The following NCBP1 variants were observed in gnomAD, a reference collection of about 807,000 sequenced individuals.
NCBP1 encodes the protein nuclear cap-binding protein subunit 1.
Under a neutral mutation model 111.7 loss-of-function variants are expected in NCBP1, and 16 were observed. The observed-to-expected ratio is 0.14, with a 90% confidence interval of 0.10 to 0.22. NCBP1 has a LOEUF of 0.22. Among genes scored for constraint, NCBP1 ranks in the 10% least tolerant of loss-of-function variants. The probability of loss-of-function intolerance (pLI) is 1.00; values close to 1 mark genes in which losing one functional copy is unlikely to be tolerated. For missense variants in NCBP1, 607 were observed against 957.5 expected (o/e 0.63, Z 4.83); for synonymous variants, 304 against 314.3 (o/e 0.97, Z 0.35).
At chr9:97,636,591 A>G (rs1010052510) in intron 1 of NCBP1, among the ~76,000 whole-genome samples, 13 of 144,928 alleles carry the variant, frequency 9.0e-5, no homozygotes, top group South Asian at 4.2e-4. Flanking sequence ...TATTTTACAT[A>G]TAATTATATA....
rs187406865 is a variant in NCBP1 at position 97,666,673 on chromosome 9, C to T, written c.1902-90C>T. Reference sequence around the variant, plus strand: ...CCCCAAGGACAGAAGGCTGTATCAGCTGTTAAGAATGAAATTACAAAAGTT... The same window carrying T: ...CCCCAAGGACAGAAGGCTGTATCAGTTGTTAAGAATGAAATTACAAAAGTT... On this transcript the variant is annotated intron_variant, in intron 19 of 22. Coordinates refer to ENST00000375147, the MANE Select transcript of NCBP1 (RefSeq NM_002486.5). 23 of 784,492 alleles carry T rather than the reference C, an allele frequency of 2.9e-5. No individual in the cohort carries two copies. The Middle Eastern group carries it at 2.6e-3, about 90-fold the overall frequency. The allele number at this position is 784,492 out of a possible 1,614,324, so 48.6% of individuals were successfully genotyped here.
intron 22 of NCBP1, among the ~76,000 whole-genome samples, chr9:97,670,239 C>T (rs1486620152): frequency 6.6e-6 from 1 of 152,098 alleles, no homozygotes; most frequent in East Asian, 1.9e-4. Flanking sequence ...ATTTTCTATG[C>T]TGGGGATCCT....
intron 8 of NCBP1, among the ~76,000 whole-genome samples, chr9:97,648,676 T>G (rs1306370371): frequency 6.6e-6 from 1 of 152,220 alleles, no homozygotes; most frequent in East Asian, 1.9e-4. Flanking sequence ...GAACAGTGTC[T>G]GTCACATGAT....
chr9:97,635,703 T>G (rs1418315148), intron 1 of NCBP1: 2 of 151,938 alleles, frequency 1.3e-5, no homozygotes, highest in African/African-American at 4.8e-5. Context: ...ATTACAGATG[T>G]GAGCTACTGC....
In NCBP1 at chr9:97,636,637, C is replaced by CATATATATAT. The variant is rs377027165; in HGVS notation, c.34+2750_34+2759dup. Among the ~76,000 whole-genome samples the CATATATATAT allele has an allele frequency of 3.4e-3, 380 of 111,190 alleles. 1 individual carries two copies. Among genetic ancestry groups the CATATATATAT allele is most frequent in the Middle Eastern group, 0.017 (3 of 174 alleles). The allele number at this position is 111,190 out of a possible 152,430, so 72.9% of individuals were successfully genotyped here. A position where few individuals can be genotyped will look rare whatever the true frequency, so the allele number is the denominator to read the frequency against. On this transcript the variant is annotated intron_variant, in intron 1 of 22. Transcript: ENST00000375147. ...AGAAGCAAGCATATGGAAAGTAATA[C>CATATATATAT]ATATATATATATATATATATATATA... is the stretch of plus-strand genomic sequence containing the variant.
chr9:97,662,328 A>T (rs1827863042), intron 17 of NCBP1, among the ~76,000 whole-genome samples, 184 bp downstream of exon 17: 1 of 152,212 alleles, frequency 6.6e-6, no homozygotes, highest in African/African-American at 2.4e-5. Flanking sequence ...GTCTGTTTGT[A>T]CAGTTGGCAT....
At chr9:97,637,795 T>C (rs1439086827) in intron 1 of NCBP1, among the ~76,000 whole-genome samples, 1 of 152,206 alleles carries the variant, frequency 6.6e-6, no homozygotes, top group Non-Finnish European at 1.5e-5. Flanking sequence ...TTGGTTTTTG[T>C]TTTCCATTTT....
chr9:97,645,683 A>G lies in NCBP1; in HGVS notation c.562A>G (p.Lys188Glu). 2 of 1,614,124 alleles carry G rather than the reference A, an allele frequency of 1.2e-6. No homozygotes were observed. The highest frequency in any genetic ancestry group is 1.7e-6 in the Non-Finnish European group (2 of 1,179,972). ...PWVGKELYEK[K>E]DAEMDRIFAN... ...GGTTGGAAAGGAGTTGTACGAAAAGAAAGATGCAGAGATGGACCGCATCTT... is the reference window on the plus strand; with the variant it reads ...GGTTGGAAAGGAGTTGTACGAAAAGGAAGATGCAGAGATGGACCGCATCTT... The change falls in exon 6 of 23, where the codon AAA becomes GAA. Residue 188 changes from lysine to glutamate, a missense_variant. By Grantham distance (56) the Lys-to-Glu change is moderately conservative. Around this residue, in one of 9 missense-constraint regions of NCBP1, gnomAD observed 185 missense variants for 272.0 expected, o/e 0.68. Coordinates refer to ENST00000375147, the MANE Select transcript of NCBP1 (RefSeq NM_002486.5).
At chr9:97,635,926 GA>G (rs1827010837) in intron 1 of NCBP1, 1 of 152,248 alleles carries the variant, frequency 6.6e-6, no homozygotes, top group East Asian at 1.9e-4. Flanking sequence ...CTAATATGTA[GA>G]AAAATAACTT....
At chr9:97,650,646 T>A (rs911102464) in intron 9 of NCBP1, 46 bp downstream of exon 9, 4 of 1,535,590 alleles carry the variant, frequency 2.6e-6, no homozygotes, top group Non-Finnish European at 3.6e-6. Context: ...GAAGCAGCAA[T>A]TTTGATAATT....
At chr9:97,662,620 C>G (rs892559700) in intron 17 of NCBP1, among the ~76,000 whole-genome samples, 4 of 152,222 alleles carry the variant, frequency 2.6e-5, no homozygotes, top group African/African-American at 9.6e-5. Context: ...CCATCTCTGT[C>G]TCCAAGGCTT....
rs1333717527 is a variant in NCBP1 at position 97,673,387 on chromosome 9, T to C, written c.*2188T>C. 6.6e-6 allele frequency: 1 copy of C among 152,236 alleles called. No homozygotes were observed. Among genetic ancestry groups the C allele is most frequent in the African/African-American group, 2.4e-5 (1 of 41,456 alleles). The allele number at this position is 152,236 out of a possible 1,614,324, so 9.4% of individuals were successfully genotyped here. ...GTAACTTTGACTCAAAACTGCTTTGTAATCTTTTCACAATGTACTGAAAAG... is the reference window on the plus strand; with the variant it reads ...GTAACTTTGACTCAAAACTGCTTTGCAATCTTTTCACAATGTACTGAAAAG... On this transcript the variant is annotated 3_prime_UTR_variant, in exon 23 of 23. Transcript: ENST00000375147.
At chr9:97,636,669 TATATAA>T (rs962542354) in intron 1 of NCBP1, among the ~76,000 whole-genome samples, 2 of 120,480 alleles carry the variant, frequency 1.7e-5, no homozygotes, top group South Asian at 2.4e-4. Flanking sequence ...TATATATATA[TATATAA>T]AATCATTTAT....
At chr9:97,647,879 C>A in intron 7 of NCBP1, 129 bp from the exon 8 acceptor site, 1 of 831,044 alleles carries the variant, frequency 1.2e-6, no homozygotes. Context: ...AAAAACTTAG[C>A]ACCTTTTTTT....
intron 2 of NCBP1, 65 bp from the exon 3 acceptor site, chr9:97,641,497 G>A: frequency 8.1e-7 from 1 of 1,233,344 alleles, no homozygotes; most frequent in Non-Finnish European, 1.1e-6. Flanking sequence ...CATTTAAATA[G>A]ATTTTTAAAA....
At chr9:97,641,479 T>C (rs1294016340) in intron 2 of NCBP1, 83 bp from the exon 3 acceptor site, 1 of 1,036,200 alleles carries the variant, frequency 9.7e-7, no homozygotes, top group African/African-American at 1.7e-5. Context: ...AAAATATGTA[T>C]ATATTTACAT....
rs1827298296 is a variant in NCBP1 at position 97,645,143 on chromosome 9, T to C, written c.408T>C (p.Asn136=). The change falls in exon 5 of 23, where the codon AAT becomes AAC. Residue 136 remains asparagine, a synonymous_variant. Transcript: ENST00000375147. ...YLVRFLSDLV[N]CHVIAAPSMV... ...TCCGTTTTTTATCTGATCTTGTGAA[T>C]TGTCATGTGATTGCCGCCCCATCAA... The C allele has an allele frequency of 6.2e-7, 1 of 1,613,348 alleles. No individual in the cohort carries two copies. Among genetic ancestry groups the C allele is most frequent in the Non-Finnish European group, 8.5e-7 (1 of 1,179,544 alleles).
At chr9:97,636,394 A>G (rs1564015565) in intron 1 of NCBP1, among the ~76,000 whole-genome samples, 1 of 150,428 alleles carries the variant, frequency 6.6e-6, no homozygotes, top group African/African-American at 2.4e-5. Flanking sequence ...GCTGTCAGTC[A>G]CTGCCCTGAC....
At chr9:97,660,863 A>T (rs1041907458) in intron 15 of NCBP1, 83 bp from the exon 16 acceptor site, 70 of 1,465,668 alleles carry the variant, frequency 4.8e-5, no homozygotes, top group Middle Eastern at 1.8e-4. Flanking sequence ...TTTAAAAAAA[A>T]TTTTTCTCAG....
Sources: allele counts gnomAD v4.1 joint callset (sites outside exome capture counted in the v4.1 genomes callset), GRCh38; gene constraint gnomAD v4.1.1; regional missense constraint gnomAD v4.1.1; transcripts MANE v1.5; gene names NCBI Gene and HGNC (gene_info 2026-07-23, HGNC 2026-07-21).